Variants in TANC2 observed in about 807,000 individuals in gnomAD.
TANC2 encodes the protein protein TANC2.
Under a neutral mutation model 210.5 loss-of-function variants are expected in TANC2, and 26 were observed. That is an observed-to-expected ratio of 0.12 (90% CI 0.09 to 0.17). The LOEUF is 0.17. Ranked by LOEUF, TANC2 falls within the 10% of genes least tolerant of loss-of-function variation. The pLI is 1.00. For missense variants in TANC2, 2,129 were observed against 2,608.9 expected (o/e 0.82, Z 4.01); for synonymous variants, 931 against 967.1 (o/e 0.96, Z 0.69).
At chr17:63,039,648 A>G (rs1388236127) in intron 2 of TANC2, among the ~76,000 whole-genome samples, 1 of 152,224 alleles carries the variant, frequency 6.6e-6, no homozygotes, top group Non-Finnish European at 1.5e-5. Context: ...AACCGTCAAT[A>G]TGATCCAGAG....
At chr17:63,032,019 AC>A (rs1482725307) in intron 2 of TANC2, among the ~76,000 whole-genome samples, 1 of 152,126 alleles carries the variant, frequency 6.6e-6, no homozygotes, top group Non-Finnish European at 1.5e-5. Flanking sequence ...AGAAAACTTG[AC>A]ACATTTTGTG....
At chr17:63,029,059 A>G (rs913123787) in intron 2 of TANC2, among the ~76,000 whole-genome samples, 6 of 152,136 alleles carry the variant, frequency 3.9e-5, no homozygotes, top group African/African-American at 1.4e-4. Context: ...TTGGAAAAAA[A>G]TACTTTGTTC....
At chr17:63,177,992 C>T (rs1793003322) in intron 5 of TANC2, among the ~76,000 whole-genome samples, 1 of 152,212 alleles carries the variant, frequency 6.6e-6, no homozygotes, top group Admixed American at 6.5e-5. Context: ...CTTCCCTCTT[C>T]TATTATGCTC....
chr17:63,007,479 T>C lies in TANC2; in HGVS notation c.-23-2058T>C, dbSNP rs1312280650. 3.9e-5 allele frequency among the ~76,000 whole-genome samples: 6 copies of C among 152,316 alleles called. No individual in the cohort carries two copies. In the East Asian group the frequency reaches 1.2e-3, roughly 29 times the overall value. On this transcript the variant is annotated intron_variant, in intron 1 of 27. Coordinates refer to ENST00000689528, the Ensembl canonical transcript of TANC2. ...ATGGATATAATTTGAGTTTAAATTA[T>C]AAACCTTACTATTTGTCTTACATTT...
intron 14 of TANC2, among the ~76,000 whole-genome samples, chr17:63,366,327 A>G (rs2047109391): frequency 6.6e-6 from 1 of 152,208 alleles, no homozygotes; most frequent in South Asian, 2.1e-4. Flanking sequence ...GTCTACCAAG[A>G]CTTACAGGTT....
chr17:63,147,552 C>A (rs1448099913), intron 4 of TANC2, among the ~76,000 whole-genome samples: 1 of 152,118 alleles, frequency 6.6e-6, no homozygotes, highest in African/African-American at 2.4e-5. Context: ...GCAGGGCTTG[C>A]TGAATACAGA....
intron 1 of TANC2, among the ~76,000 whole-genome samples, chr17:62,979,796 A>G (rs974108850): frequency 6.6e-6 from 1 of 152,196 alleles, no homozygotes; most frequent in Non-Finnish European, 1.5e-5. Context: ...CTGTGGTCCC[A>G]GCTACATGGG....
intron 9 of TANC2, among the ~76,000 whole-genome samples, chr17:63,302,362 A>G (rs917594908): frequency 6.6e-6 from 1 of 152,062 alleles, no homozygotes; most frequent in Admixed American, 6.5e-5. Flanking sequence ...TGGTCTGTCT[A>G]ATATTGACAA....
intron 9 of TANC2, among the ~76,000 whole-genome samples, chr17:63,287,515 A>G (rs906210153): frequency 6.6e-6 from 1 of 152,148 alleles, no homozygotes; most frequent in Non-Finnish European, 1.5e-5. Context: ...GTATTCTTAT[A>G]CATATTCTTA....
rs530049471 is a variant in TANC2 at position 63,413,980 on chromosome 17, T to G, written c.4020+346T>G. On this transcript the variant is annotated intron_variant, in intron 25 of 27. Transcript: ENST00000689528. ...AGTATAGCTATTTCCAGTATGTTGATCCTAGCTTTCATATGTCATAATATA... is the reference window on the plus strand; with the variant it reads ...AGTATAGCTATTTCCAGTATGTTGAGCCTAGCTTTCATATGTCATAATATA... 2.6e-5 allele frequency among the ~76,000 whole-genome samples: 4 copies of G among 152,334 alleles called. No homozygotes were observed. The East Asian group carries it at 7.7e-4, about 29-fold the overall frequency.
At position 63,280,404 on chromosome 17, in the gene TANC2, A is replaced by G. The variant is rs556029419; in HGVS notation, c.1159+12531A>G. On this transcript the variant is annotated intron_variant, in intron 9 of 27. Coordinates refer to ENST00000689528, the Ensembl canonical transcript of TANC2. The stretch of plus-strand genomic sequence containing the variant: ...TTTAATTCAGTTTAGGTATTGACCT[A>G]CTCTCTATATAGAATAGACTGTAGG... 5.9e-4 allele frequency among the ~76,000 whole-genome samples: 89 copies of G among 152,124 alleles called. No individual in the cohort carries two copies. In the South Asian group the frequency reaches 0.018, roughly 31 times the overall value.
At chr17:63,027,915 C>T (rs1224009343) in intron 2 of TANC2, among the ~76,000 whole-genome samples, 2 of 152,048 alleles carry the variant, frequency 1.3e-5, no homozygotes, top group Non-Finnish European at 2.9e-5. Context: ...ACTCCCCCAC[C>T]TCATTCCATT....
At chr17:63,102,142 A>G (rs1225641937) in intron 4 of TANC2, among the ~76,000 whole-genome samples, 1 of 152,024 alleles carries the variant, frequency 6.6e-6, no homozygotes. Context: ...CTCTACAACA[A>G]ATAATTTAAA....
chr17:63,063,022 G>A (rs2036051038), intron 2 of TANC2, among the ~76,000 whole-genome samples: 1 of 152,136 alleles, frequency 6.6e-6, no homozygotes, highest in Non-Finnish European at 1.5e-5. Flanking sequence ...TAGTATTTCT[G>A]ACAAGGAAAA....
At chr17:63,324,277 C>T (rs1310326930) in intron 11 of TANC2, among the ~76,000 whole-genome samples, 1 of 151,658 alleles carries the variant, frequency 6.6e-6, no homozygotes, top group Non-Finnish European at 1.5e-5. Flanking sequence ...GTTTTTTTTC[C>T]CAAGGAAATC....
intron 2 of TANC2, among the ~76,000 whole-genome samples, chr17:63,016,786 T>C (rs2143934172): frequency 6.6e-6 from 1 of 152,298 alleles, no homozygotes; most frequent in Non-Finnish European, 1.5e-5. Flanking sequence ...GGTTTTGACT[T>C]GACTTTTCCC....
At chr17:63,196,160 T>C (rs994499573) in intron 6 of TANC2, among the ~76,000 whole-genome samples, 2 of 152,216 alleles carry the variant, frequency 1.3e-5, no homozygotes, top group African/African-American at 4.8e-5. Context: ...TGTTTAGTTG[T>C]GGGGTTGTTT....
At chr17:63,007,812 A>C (rs1386201735) in intron 1 of TANC2, among the ~76,000 whole-genome samples, 3 of 152,126 alleles carry the variant, frequency 2.0e-5, no homozygotes, top group Non-Finnish European at 4.4e-5. Context: ...TTAATACTTA[A>C]GAACATATTT....
At position 63,222,565 on chromosome 17, in the gene TANC2, A is replaced by G. The variant is rs568277515; in HGVS notation, c.770-15249A>G. ...TTGCCAAGGTGTAGAGTGGTGGGTAAAGGTGTAGGATTGACCGCAAAATGT... is the reference window on the plus strand; with the variant it reads ...TTGCCAAGGTGTAGAGTGGTGGGTAGAGGTGTAGGATTGACCGCAAAATGT... On this transcript the variant is annotated intron_variant, in intron 7 of 27. Coordinates refer to ENST00000689528, the Ensembl canonical transcript of TANC2. 2.6e-5 allele frequency among the ~76,000 whole-genome samples: 4 copies of G among 152,136 alleles called. No homozygotes were observed. In the East Asian group the frequency reaches 7.7e-4, roughly 29 times the overall value.
Sources: allele counts gnomAD v4.1 joint callset (sites outside exome capture counted in the v4.1 genomes callset), GRCh38; gene constraint gnomAD v4.1.1; transcripts MANE v1.5; gene names NCBI Gene and HGNC (gene_info 2026-07-23, HGNC 2026-07-21).